Variants in MAP3K5 observed in about 807,000 individuals in gnomAD.
The protein encoded by MAP3K5 is ASK-1.
In MAP3K5, 56 loss-of-function variants were observed where a neutral mutation model predicts 158.7. The observed-to-expected ratio is 0.35, with a 90% confidence interval of 0.28 to 0.44. The LOEUF (loss-of-function observed/expected upper bound fraction) is 0.44, where lower values mean the gene tolerates loss of function less well. MAP3K5 is among the 20% of genes least tolerant of loss of function. The probability of loss-of-function intolerance (pLI) is 1.00; values close to 1 mark genes in which losing one functional copy is unlikely to be tolerated. For synonymous variants in MAP3K5, 579 were observed against 601.7 expected, an observed-to-expected ratio of 0.96 and a Z score of 0.55; for missense variants, 1,294 against 1,674.8, an observed-to-expected ratio of 0.77 and a Z score of 3.97.
chr6:136,723,681 A>G (rs1053236091), intron 1 of MAP3K5, among the ~76,000 whole-genome samples: 9 of 152,220 alleles, frequency 5.9e-5, no homozygotes, highest in African/African-American at 2.2e-4. Flanking sequence ...ATGCTTGAGA[A>G]GCTGTTTGGT....
chr6:136,747,070 C>T (rs531646154), intron 1 of MAP3K5, among the ~76,000 whole-genome samples: 5 of 152,212 alleles, frequency 3.3e-5, no homozygotes, highest in African/African-American at 7.2e-5. Flanking sequence ...TATAAGCACG[C>T]GCCACCATGT....
chr6:136,631,743 C>G (rs1266336876), intron 14 of MAP3K5, among the ~76,000 whole-genome samples: 1 of 152,088 alleles, frequency 6.6e-6, no homozygotes, highest in Non-Finnish European at 1.5e-5. Flanking sequence ...ATTAAAACAA[C>G]TCTGATTTTG....
At chr6:136,647,911 C>T (rs1241266324) in intron 11 of MAP3K5, 1 of 152,386 alleles carries the variant, frequency 6.6e-6, no homozygotes, top group Non-Finnish European at 1.5e-5. Context: ...AGCACAGTCC[C>T]AAAGTCCACA....
rs1352637267 is a variant in MAP3K5 at position 136,757,575 on chromosome 6, ATTTATTT to A, written c.448+34128_448+34134del. Among the ~76,000 whole-genome samples the A allele has an allele frequency of 3.2e-3, 357 of 111,262 alleles. 9 individuals are homozygous for A. In the East Asian group the frequency reaches 0.074, roughly 23 times the overall value. 73.0% of individuals were successfully genotyped at this position (111,262 alleles called of 152,430 possible). ...GAGAACTCATTTTATAGATTTATTT[ATTTATTT>A]TTTATTTTTTTTTTTTTTTTTTGAG... On this transcript the variant is annotated intron_variant, in intron 1 of 29. Transcript: ENST00000359015.
At chr6:136,593,755 A>T in intron 21 of MAP3K5, 1 of 416,650 alleles carries the variant, frequency 2.4e-6, no homozygotes, top group South Asian at 1.8e-5. Flanking sequence ...TGCCAGAAAC[A>T]TCTTTATCAA....
At chr6:136,705,968 G>A (rs556598531) in intron 2 of MAP3K5, among the ~76,000 whole-genome samples, 1 of 152,156 alleles carries the variant, frequency 6.6e-6, no homozygotes, top group African/African-American at 2.4e-5. Flanking sequence ...AAATATAATG[G>A]GATAAATGGC....
intron 14 of MAP3K5, among the ~76,000 whole-genome samples, chr6:136,633,444 C>T (rs1777472486): frequency 6.8e-6 from 1 of 146,144 alleles, no homozygotes; most frequent in African/African-American, 2.5e-5. Context: ...TATATATATT[C>T]TTTTCAACTC....
At chr6:136,718,414 C>G (rs957144646) in intron 2 of MAP3K5, among the ~76,000 whole-genome samples, 1 of 152,134 alleles carries the variant, frequency 6.6e-6, no homozygotes, top group African/African-American at 2.4e-5. Flanking sequence ...GTTGGCCAGG[C>G]TGGTCTTGAA....
intron 1 of MAP3K5, among the ~76,000 whole-genome samples, chr6:136,727,514 TCACAAGTTCAGAA>T (rs1329165792): frequency 6.6e-6 from 1 of 152,176 alleles, no homozygotes; most frequent in Admixed American, 6.5e-5. Context: ...AGACAGAAAT[TCACAAGTTCAGAA>T]CACAAGTGAG....
chr6:136,757,621 C>T (rs1783564186), intron 1 of MAP3K5, among the ~76,000 whole-genome samples: 1 of 129,414 alleles, frequency 7.7e-6, no homozygotes, highest in Non-Finnish European at 1.6e-5. Context: ...GAGTTTCGCT[C>T]TTGCTGCCCA....
At chr6:136,700,504 G>C (rs1780806124) in intron 3 of MAP3K5, among the ~76,000 whole-genome samples, 1 of 152,212 alleles carries the variant, frequency 6.6e-6, no homozygotes, top group Non-Finnish European at 1.5e-5. Context: ...ACCAGACTAA[G>C]TTATTTATGA....
intron 21 of MAP3K5, among the ~76,000 whole-genome samples, chr6:136,599,170 G>GT (rs1223855307): frequency 4.0e-5 from 1 of 24,898 alleles, no homozygotes. Flanking sequence ...AAAAAAAAAG[G>GT]GGGGGGGGGC....
At chr6:136,589,683 G>C (rs1471911528) in intron 23 of MAP3K5, among the ~76,000 whole-genome samples, 3 of 152,096 alleles carry the variant, frequency 2.0e-5, no homozygotes, top group Non-Finnish European at 4.4e-5. Context: ...TGATGTTTCT[G>C]GTGTCCGTAT....
At chr6:136,578,845 T>C (rs1774736380) in intron 25 of MAP3K5, among the ~76,000 whole-genome samples, 1 of 152,022 alleles carries the variant, frequency 6.6e-6, no homozygotes, top group South Asian at 2.1e-4. Flanking sequence ...ACTTAAAAGT[T>C]TGTAGTACCA....
At chr6:136,625,010 A>C (rs1297816677) in intron 14 of MAP3K5, among the ~76,000 whole-genome samples, 2 of 152,208 alleles carry the variant, frequency 1.3e-5, no homozygotes, top group East Asian at 3.9e-4. Context: ...CTAAAGAGTA[A>C]AGGTGACTGC....
At position 136,562,603 on chromosome 6, in the gene MAP3K5, T is replaced by C. The variant is rs1397089397; in HGVS notation, c.3774A>G (p.Glu1258=). 2 of 1,589,370 alleles carry C rather than the reference T, an allele frequency of 1.3e-6. No homozygotes were observed. Among genetic ancestry groups the C allele is most frequent in the Non-Finnish European group, 1.7e-6 (2 of 1,162,868 alleles). The part of the protein sequence containing the change: ...MKIETNRLLE[E]LVRKEKELQA... ...GTAATTCTTTCTCTTTCCGAACCAATTCTTCCAGTAATCTGCAGAAGAAAA... is the reference window on the plus strand; with the variant it reads ...GTAATTCTTTCTCTTTCCGAACCAACTCTTCCAGTAATCTGCAGAAGAAAA... Residue 1258 remains glutamate (E), a synonymous_variant, in exon 27 of 30, where the codon GAA becomes GAG. Coordinates refer to ENST00000359015, the MANE Select transcript of MAP3K5 (RefSeq NM_005923.4).
intron 11 of MAP3K5, among the ~76,000 whole-genome samples, chr6:136,646,880 G>A (rs1459594739): frequency 6.6e-6 from 1 of 152,086 alleles, no homozygotes; most frequent in African/African-American, 2.4e-5. Flanking sequence ...GATTCCACTT[G>A]GAGTCTTGCC....
intron 7 of MAP3K5, among the ~76,000 whole-genome samples, chr6:136,677,197 G>A (rs1262970954): frequency 1.4e-5 from 2 of 145,506 alleles, no homozygotes; most frequent in East Asian, 4.0e-4. Context: ...GAGTGTAGTG[G>A]CGCAATCTCG....
At chr6:136,585,164 G>A (rs1266973711) in intron 23 of MAP3K5, among the ~76,000 whole-genome samples, 2 of 149,718 alleles carry the variant, frequency 1.3e-5, no homozygotes, top group Non-Finnish European at 3.0e-5. Context: ...CCAGGCTGGA[G>A]TGCAGTGGCA....
Sources: allele counts gnomAD v4.1 joint callset (sites outside exome capture counted in the v4.1 genomes callset), GRCh38; gene constraint gnomAD v4.1.1; transcripts MANE v1.5; gene names NCBI Gene and HGNC (gene_info 2026-07-23, HGNC 2026-07-21).